PTPRR: variants seen among roughly 807,000 people sequenced by gnomAD.
PTPRR encodes the protein receptor-type tyrosine-protein phosphatase R.
PTPRR carries 38 observed loss-of-function variants against 77.2 expected under a neutral mutation model. The observed-to-expected ratio is 0.49, with a 90% CI of 0.38 to 0.65. The LOEUF (loss-of-function observed/expected upper bound fraction) is 0.65, where lower values mean the gene tolerates loss of function less well. Among genes scored for constraint, PTPRR ranks in the 30% least tolerant of loss-of-function variants. The probability of loss-of-function intolerance (pLI) is 0.00; values close to 1 mark genes in which losing one functional copy is unlikely to be tolerated. For missense variants in PTPRR, 744 were observed against 799.2 expected, an observed-to-expected ratio of 0.93 and a Z score of 0.83; for synonymous variants, 299 against 283.1, an observed-to-expected ratio of 1.06 and a Z score of -0.57.
At chr12:70,914,184 C>T (rs1220347162) in intron 1 of PTPRR, among the ~76,000 whole-genome samples, 1 of 152,070 alleles carries the variant, frequency 6.6e-6, no homozygotes, top group Admixed American at 6.6e-5. Flanking sequence ...TGAAATGATT[C>T]AAGACATGGC....
intron 10 of PTPRR, chr12:70,672,368 T>A: frequency 7.3e-7 from 1 of 1,365,974 alleles, no homozygotes; most frequent in African/African-American, 1.4e-5. Context: ...GGTCCTCCCA[T>A]CAGAGAGCCA....
intron 13 of PTPRR, among the ~76,000 whole-genome samples, chr12:70,648,584 T>C (rs1886283759): frequency 6.6e-6 from 1 of 152,154 alleles, no homozygotes; most frequent in Admixed American, 6.5e-5. Flanking sequence ...GAGATCACTG[T>C]TACGCCCCAC....
At chr12:70,749,020 G>A (rs556406569) in intron 5 of PTPRR, among the ~76,000 whole-genome samples, 60 of 152,252 alleles carry the variant, frequency 3.9e-4, no homozygotes, top group Admixed American at 3.2e-3. Context: ...ACAGCACAGA[G>A]GTATAATGTG....
At chr12:70,803,938 T>C (rs1379247168) in intron 2 of PTPRR, among the ~76,000 whole-genome samples, 1 of 152,086 alleles carries the variant, frequency 6.6e-6, no homozygotes, top group Admixed American at 6.6e-5. Context: ...TGTATTCAGG[T>C]GGATGGCGGG....
intron 2 of PTPRR, among the ~76,000 whole-genome samples, chr12:70,801,600 T>C (rs1194630893): frequency 2.6e-5 from 4 of 152,210 alleles, no homozygotes; most frequent in Non-Finnish European, 5.9e-5. Context: ...CAACTTAAAC[T>C]TGTATCATCA....
chr12:70,679,143 AT>A (rs1366233119), intron 10 of PTPRR, among the ~76,000 whole-genome samples: 2 of 152,138 alleles, frequency 1.3e-5, no homozygotes, highest in African/African-American at 4.8e-5. Flanking sequence ...GTCTCAAGGA[AT>A]TTTTAAGTGT....
chr12:70,827,162 A>C (rs1892124120), intron 2 of PTPRR, among the ~76,000 whole-genome samples: 1 of 152,004 alleles, frequency 6.6e-6, no homozygotes, highest in Non-Finnish European at 1.5e-5. Flanking sequence ...ATCTATAATC[A>C]CCTTATTTAC....
chr12:70,668,821 G>A lies in PTPRR; in HGVS notation c.1498-6216C>T, dbSNP rs1207393226. ...AATTAAAAATAAAAATTTAAATAAA[G>A]AAACTCTTTTGTAAAGGCAAACATG... On this transcript the variant is annotated intron_variant, in intron 10 of 13. Transcript: ENST00000283228. Among the ~76,000 whole-genome samples the A allele has an allele frequency of 2.0e-5, 3 of 152,014 alleles. No homozygotes were observed. In the South Asian group the frequency reaches 6.2e-4, roughly 31 times the overall value.
At chr12:70,804,062 T>C (rs1045102327) in intron 2 of PTPRR, among the ~76,000 whole-genome samples, 3 of 151,900 alleles carry the variant, frequency 2.0e-5, no homozygotes, top group African/African-American at 7.3e-5. Context: ...AGATAGTCTG[T>C]TTGCATGACC....
intron 2 of PTPRR, among the ~76,000 whole-genome samples, chr12:70,840,618 C>A (rs1327675207): frequency 1.3e-5 from 2 of 152,030 alleles, no homozygotes; most frequent in African/African-American, 4.8e-5. Context: ...CAGCACAGGG[C>A]AGAGGTTTAA....
intron 12 of PTPRR, among the ~76,000 whole-genome samples, chr12:70,657,741 C>G (rs1221976920): frequency 6.6e-6 from 1 of 152,144 alleles, no homozygotes; most frequent in Non-Finnish European, 1.5e-5. Context: ...GTTTTCCAGC[C>G]TAGAAGTCTT....
intron 5 of PTPRR, among the ~76,000 whole-genome samples, chr12:70,753,764 C>G (rs1890477164): frequency 6.6e-6 from 1 of 152,076 alleles, no homozygotes; most frequent in African/African-American, 2.4e-5. Flanking sequence ...ATAAGGAAAT[C>G]AACCATTCCT....
intron 6 of PTPRR, among the ~76,000 whole-genome samples, chr12:70,735,976 C>T (rs1889848755): frequency 6.6e-6 from 1 of 152,174 alleles, no homozygotes; most frequent in South Asian, 2.1e-4. Context: ...CTGACAATCA[C>T]ACACACAATG....
intron 2 of PTPRR, among the ~76,000 whole-genome samples, chr12:70,772,271 G>T (rs370607439): frequency 6.6e-6 from 1 of 152,040 alleles, no homozygotes; most frequent in Admixed American, 6.6e-5. Context: ...TGTAAAGCTA[G>T]GCATACTTCT....
At chr12:70,882,370 A>G (rs1472559068) in intron 2 of PTPRR, among the ~76,000 whole-genome samples, 1 of 152,158 alleles carries the variant, frequency 6.6e-6, no homozygotes, top group Non-Finnish European at 1.5e-5. Context: ...CTAAGTCACT[A>G]CCGTGACTGC....
chr12:70,794,409 A>T (rs1003002128), intron 2 of PTPRR, among the ~76,000 whole-genome samples: 1 of 152,184 alleles, frequency 6.6e-6, no homozygotes, highest in Admixed American at 6.5e-5. Flanking sequence ...CCTAAGTGAC[A>T]TGAGGGCTAG....
At chr12:70,720,666 T>G (rs543617175) in intron 6 of PTPRR, among the ~76,000 whole-genome samples, 2 of 152,060 alleles carry the variant, frequency 1.3e-5, no homozygotes, top group South Asian at 4.2e-4. Context: ...GTATTTTTAG[T>G]AGAGACAGGG....
At chr12:70,665,570 C>T (rs767699498) in intron 10 of PTPRR, among the ~76,000 whole-genome samples, 6 of 151,096 alleles carry the variant, frequency 4.0e-5, no homozygotes, top group Non-Finnish European at 7.4e-5. Flanking sequence ...TTAGTAGAGA[C>T]GGGGTTTCAC....
chr12:70,887,717 G>C (rs1194335539), intron 2 of PTPRR, among the ~76,000 whole-genome samples: 1 of 152,104 alleles, frequency 6.6e-6, no homozygotes, highest in East Asian at 1.9e-4. Flanking sequence ...TCCTGAGGAA[G>C]AGAGAAGGCC....
Sources: allele counts gnomAD v4.1 joint callset (sites outside exome capture counted in the v4.1 genomes callset), GRCh38; gene constraint gnomAD v4.1.1; transcripts MANE v1.5; gene names NCBI Gene and HGNC (gene_info 2026-07-23, HGNC 2026-07-21).